Variants in PPIL6 observed in about 807,000 individuals in gnomAD.
The protein encoded by PPIL6 is peptidylprolyl isomerase like 6, also known as probable inactive peptidyl-prolyl cis-trans isomerase-like 6.
A neutral mutation model predicts 36.8 loss-of-function variants in PPIL6; 39 were observed. The ratio of observed to expected loss-of-function variants is 1.06; its 90% confidence interval spans 0.82 to 1.38. The LOEUF is 1.38. Ranked by LOEUF, PPIL6 falls within the 40% of genes most tolerant of loss-of-function variation. PPIL6 has a pLI of 0.00. For synonymous variants in PPIL6, 123 were observed against 134.1 expected (o/e 0.92, Z 0.57); for missense variants, 368 against 379.1 (o/e 0.97, Z 0.24).
At chr6:109,421,237 C>CT (rs992950899) in intron 5 of PPIL6, among the ~76,000 whole-genome samples, 1 of 152,152 alleles carries the variant, frequency 6.6e-6, no homozygotes, top group Non-Finnish European at 1.5e-5. Context: ...ATTTACTATT[C>CT]TTTTTTGTGG....
chr6:109,409,118 G>A (rs1772910781), intron 6 of PPIL6, among the ~76,000 whole-genome samples: 3 of 152,282 alleles, frequency 2.0e-5, no homozygotes, highest in Non-Finnish European at 2.9e-5. Flanking sequence ...AAAACCATAT[G>A]ATCATTTCAA....
rs1253869035 is a variant in PPIL6, at chr6:109,431,140, AAGTT to A, written c.420+13_420+16del. 1.7e-5 allele frequency: 26 copies of A among 1,564,352 alleles called. No individual in the cohort carries two copies. The highest frequency in any genetic ancestry group is 2.2e-5 in the Non-Finnish European group (25 of 1,144,830). On this transcript the variant is annotated intron_variant, in intron 3 of 7. Transcript: ENST00000521072. ...CAAAGATTCCACAATTTTTCTTTAA[AAGTT>A]AGTATAACTTGCCTTGGTGTCTCTT... is the stretch of plus-strand genomic sequence containing the variant.
intron 2 of PPIL6, among the ~76,000 whole-genome samples, chr6:109,434,782 A>G (rs1186383195): frequency 6.6e-6 from 1 of 152,116 alleles, no homozygotes; most frequent in East Asian, 1.9e-4. Flanking sequence ...CATCTACAAG[A>G]CTAGGCCAGG....
At chr6:109,404,677 G>C (rs1582536866) in intron 6 of PPIL6, among the ~76,000 whole-genome samples, 1 of 152,340 alleles carries the variant, frequency 6.6e-6, no homozygotes. Flanking sequence ...GGTGTCACTT[G>C]CATGTTTTCA....
At chr6:109,420,126 G>C (rs1401446692) in intron 5 of PPIL6, among the ~76,000 whole-genome samples, 1 of 151,908 alleles carries the variant, frequency 6.6e-6, no homozygotes. Flanking sequence ...TTGAGGCCAG[G>C]AGTTCGAGAC....
chr6:109,436,316 CA>C (rs1160591178), intron 1 of PPIL6, 117 bp from the exon 2 acceptor site: 1 of 637,058 alleles, frequency 1.6e-6, no homozygotes, highest in African/African-American at 1.8e-5. Context: ...CCAGGCCATG[CA>C]GTCCGACTGA....
chr6:109,438,737 C>T (rs1309037646), intron 1 of PPIL6, among the ~76,000 whole-genome samples: 1 of 151,860 alleles, frequency 6.6e-6, no homozygotes, highest in Non-Finnish European at 1.5e-5. Context: ...TACAGGCGCC[C>T]GCCACCATGC....
rs1367862772 is a variant in PPIL6, at chr6:109,427,060, C to T, written c.483+34G>A. 4.4e-6 allele frequency: 7 copies of T among 1,592,070 alleles called. No homozygotes were observed. The Admixed American group carries it at 8.4e-5, about 19-fold the overall frequency. ...AACACTCCAACAGTTATAGATCCTA[C>T]CCCCACAAACTTACATATAAAAAAA... is the stretch of plus-strand genomic sequence containing the variant. On this transcript the variant is annotated intron_variant, in intron 4 of 7. Coordinates refer to ENST00000521072, the MANE Select transcript of PPIL6 (RefSeq NM_173672.5).
At chr6:109,437,332 A>C (rs1270589404) in intron 1 of PPIL6, among the ~76,000 whole-genome samples, 3 of 152,144 alleles carry the variant, frequency 2.0e-5, no homozygotes, top group Non-Finnish European at 4.4e-5. Flanking sequence ...GGTCCAAAAG[A>C]GGGTGCTGGC....
intron 3 of PPIL6, 129 bp from the exon 4 acceptor site, chr6:109,427,285 T>C (rs758972821): frequency 1.1e-4 from 62 of 571,170 alleles, no homozygotes; most frequent in Non-Finnish European, 1.8e-4. Context: ...CAATGGATAA[T>C]ATTACAGTAA....
At chr6:109,397,008 T>C (rs958929403) in intron 7 of PPIL6, among the ~76,000 whole-genome samples, 5 of 150,836 alleles carry the variant, frequency 3.3e-5, no homozygotes, top group African/African-American at 1.2e-4. Flanking sequence ...GCCCTACAAC[T>C]GGGAAGGAAG....
At chr6:109,422,158 G>T (rs1000727337) in intron 5 of PPIL6, among the ~76,000 whole-genome samples, 2 of 152,124 alleles carry the variant, frequency 1.3e-5, no homozygotes, top group African/African-American at 4.8e-5. Flanking sequence ...TTACAAGCGT[G>T]AGCCACCGTG....
chr6:109,430,610 A>G (rs1774089130), intron 3 of PPIL6, among the ~76,000 whole-genome samples: 1 of 152,122 alleles, frequency 6.6e-6, no homozygotes, highest in Non-Finnish European at 1.5e-5. Context: ...TATTTTTAGT[A>G]GAGATGACGT....
At chr6:109,440,430 C>T in intron 1 of PPIL6, 26 bp downstream of exon 1, 1 of 1,537,018 alleles carries the variant, frequency 6.5e-7, no homozygotes, top group African/African-American at 1.4e-5. Context: ...GAGGGCCGCC[C>T]ACGACGGAGG....
At chr6:109,416,264 G>A (rs1773249407) in intron 6 of PPIL6, among the ~76,000 whole-genome samples, 1 of 144,908 alleles carries the variant, frequency 6.9e-6, no homozygotes, top group African/African-American at 2.6e-5. Flanking sequence ...GTGCAGTGGC[G>A]TGATCTCGGC....
At chr6:109,406,366 T>C (rs1385933802) in intron 6 of PPIL6, among the ~76,000 whole-genome samples, 1 of 152,096 alleles carries the variant, frequency 6.6e-6, no homozygotes, top group Non-Finnish European at 1.5e-5. Flanking sequence ...TGTGGAGATT[T>C]TTTAGGAACA....
At chr6:109,438,249 T>C (rs1254132566) in intron 1 of PPIL6, among the ~76,000 whole-genome samples, 1 of 151,920 alleles carries the variant, frequency 6.6e-6, no homozygotes, top group African/African-American at 2.4e-5. Context: ...TCACAAATTA[T>C]CATGTTAGGA....
intron 1 of PPIL6, among the ~76,000 whole-genome samples, chr6:109,437,522 A>C (rs1774511788): frequency 6.7e-6 from 1 of 148,372 alleles, no homozygotes; most frequent in Admixed American, 6.7e-5. Flanking sequence ...TTGAGGCAAT[A>C]CTGCAGGTTG....
At chr6:109,403,165 G>C in intron 6 of PPIL6, 1 of 1,269,046 alleles carries the variant, frequency 7.9e-7, no homozygotes, top group Non-Finnish European at 1.1e-6. Flanking sequence ...TTTAGAGAAG[G>C]CATCTTGCTA....
Sources: gnomAD v4.1 joint callset for allele counts (sites outside exome capture counted in the v4.1 genomes callset) on GRCh38, gnomAD v4.1.1 for gene constraint, MANE v1.5 for transcripts, NCBI Gene and HGNC (gene_info 2026-07-23, HGNC 2026-07-21) for gene names.